ATP10B: variants seen among roughly 807,000 people sequenced by gnomAD.
ATP10B encodes the protein phospholipid-transporting ATPase VB.
In ATP10B, 122 loss-of-function variants were observed where a neutral mutation model predicts 141.2. The observed-to-expected ratio is 0.86, with a 90% CI of 0.75 to 1.00. ATP10B has a LOEUF of 1.00. ATP10B is among the 50% of genes least tolerant of loss of function. The pLI is 0.00. For synonymous variants in ATP10B, 685 were observed against 692.0 expected (o/e 0.99, Z 0.16); for missense variants, 1,876 against 1,825.3 (o/e 1.03, Z -0.51).
chr5:160,573,955 G>A (rs1895188), intron 24 of ATP10B, among the ~76,000 whole-genome samples: 102,792 of 152,064 alleles, frequency 0.68, 35,794 homozygotes, highest in East Asian at 0.84. Flanking sequence ...ATGTGTGCAA[G>A]AGTGTTTCTG....
At chr5:160,695,121 G>A (rs1329780809) in intron 3 of ATP10B, among the ~76,000 whole-genome samples, 3 of 152,150 alleles carry the variant, frequency 2.0e-5, no homozygotes, top group African/African-American at 7.2e-5. Flanking sequence ...AACTGACTGG[G>A]TAACATCAGG....
chr5:160,760,217 A>G (rs1004489322), intron 2 of ATP10B, among the ~76,000 whole-genome samples: 1 of 152,240 alleles, frequency 6.6e-6, no homozygotes, highest in African/African-American at 2.4e-5. Flanking sequence ...GCTAACAGGC[A>G]CTTTACAAAC....
Position 160,591,098 on chromosome 5 carries a change from T to C in ATP10B, c.3606A>G (p.Ala1202=). The change falls in exon 23 of 26, where the codon GCA becomes GCG. Residue 1202 remains alanine, a synonymous_variant. Transcript: ENST00000327245. ...AGAAACAGATGAGGCTCTGGTAGAATGCATCCACCATAGAAATCCAGAAAG... is the reference window on the plus strand; with the variant it reads ...AGAAACAGATGAGGCTCTGGTAGAACGCATCCACCATAGAAATCCAGAAAG... ...LSTFWISMVD[A]FYQSLICFFI... is the part of the protein sequence containing the mutation. The C allele has an allele frequency of 6.2e-7, 1 of 1,614,072 alleles. No individual in the cohort carries two copies. Among genetic ancestry groups the C allele is most frequent in the East Asian group, 2.2e-5 (1 of 44,884 alleles).
intron 3 of ATP10B, among the ~76,000 whole-genome samples, chr5:160,696,771 A>T (rs1223365048): frequency 2.0e-5 from 3 of 150,520 alleles, no homozygotes; most frequent in Admixed American, 6.6e-5. Context: ...TGAATTCAAT[A>T]AAAAAACTCA....
chr5:160,573,366 C>T (rs1754996589), intron 24 of ATP10B, among the ~76,000 whole-genome samples: 1 of 152,196 alleles, frequency 6.6e-6, no homozygotes, highest in African/African-American at 2.4e-5. Flanking sequence ...TTTAAGCCAC[C>T]CAGTCTATGG....
chr5:160,659,247 C>T (rs770680201), intron 7 of ATP10B, among the ~76,000 whole-genome samples: 2 of 152,008 alleles, frequency 1.3e-5, no homozygotes, highest in South Asian at 2.1e-4. Context: ...GGGTGGATCA[C>T]GAGGTCAGGA....
chr5:160,681,303 G>A (rs1763387724), intron 6 of ATP10B, among the ~76,000 whole-genome samples: 1 of 152,158 alleles, frequency 6.6e-6, no homozygotes, highest in Non-Finnish European at 1.5e-5. Context: ...CATCTCACAG[G>A]ACAAGATCTA....
chr5:160,786,080 T>G (rs74805752), intron 1 of ATP10B, among the ~76,000 whole-genome samples: 1,864 of 152,296 alleles, frequency 0.012, 40 homozygotes, highest in African/African-American at 0.042. Context: ...ATGAAATGTG[T>G]GCTGGTCCAG....
chr5:160,895,192 T>C, the ATP10B span, among the ~76,000 whole-genome samples: 1 of 151,546 alleles, frequency 6.6e-6, no homozygotes, highest in Non-Finnish European at 1.5e-5. Flanking sequence ...AGGATCAAAT[T>C]CACACATAAC....
chr5:160,812,731 A>T (rs887883693), intron 1 of ATP10B, among the ~76,000 whole-genome samples: 3 of 70,126 alleles, frequency 4.3e-5, no homozygotes, highest in Admixed American at 1.5e-4. Flanking sequence ...AAAAAGAATA[A>T]AAAAGAATAA....
At chr5:160,915,780 G>A in the ATP10B span, among the ~76,000 whole-genome samples, 2 of 152,096 alleles carry the variant, frequency 1.3e-5, no homozygotes, top group African/African-American at 4.8e-5. Flanking sequence ...ACCATGGTGG[G>A]CAAAGAGGCA....
chr5:160,638,451 A>G (rs1183562869), intron 10 of ATP10B, among the ~76,000 whole-genome samples: 2 of 152,182 alleles, frequency 1.3e-5, no homozygotes, highest in African/African-American at 4.8e-5. Context: ...TCTTGGGGAC[A>G]CAGGTGGCCA....
chr5:160,777,136 C>A (rs529580536), intron 2 of ATP10B, among the ~76,000 whole-genome samples: 3 of 152,288 alleles, frequency 2.0e-5, no homozygotes, highest in Non-Finnish European at 4.4e-5. Flanking sequence ...ACCAGAGTAA[C>A]AAGGATATTC....
chr5:160,766,494 G>A (rs1769442165), intron 2 of ATP10B, among the ~76,000 whole-genome samples: 1 of 152,086 alleles, frequency 6.6e-6, no homozygotes, highest in African/African-American at 2.4e-5. Context: ...ACTCGGTAAT[G>A]GAAAATCAAA....
intron 1 of ATP10B, among the ~76,000 whole-genome samples, chr5:160,849,644 C>CACACACACA (rs1481314888): frequency 6.6e-6 from 1 of 152,078 alleles, no homozygotes; most frequent in African/African-American, 2.4e-5. Flanking sequence ...CACACACACT[C>CACACACACA]TTTTAATGTG....
At chr5:160,641,576 C>G (rs193098856) in intron 9 of ATP10B, among the ~76,000 whole-genome samples, 3 of 152,168 alleles carry the variant, frequency 2.0e-5, no homozygotes, top group Non-Finnish European at 2.9e-5. Context: ...ACATTGTGAA[C>G]CCAAGATTCA....
rs1018119729 is a variant in ATP10B at position 160,833,399 on chromosome 5, A to C, written c.-576+18542T>G. On this transcript the variant is annotated intron_variant, in intron 1 of 25. Transcript: ENST00000327245. ...TAAATAAAGCTGCAGCAAATCTCAG[A>C]TTCAGCTCAGTTATAGATTAGATGA... is the stretch of plus-strand genomic sequence containing the variant. Among the ~76,000 whole-genome samples, 4 of 152,170 alleles carry C rather than the reference A, an allele frequency of 2.6e-5. No individual in the cohort carries two copies. In the South Asian group the frequency reaches 8.3e-4, roughly 31 times the overall value.
At chr5:160,877,749 A>G in the ATP10B span, among the ~76,000 whole-genome samples, 1 of 116,586 alleles carries the variant, frequency 8.6e-6, no homozygotes, top group African/African-American at 2.7e-5. Flanking sequence ...TAACAGACAA[A>G]CAGAGAGCCA....
intron 2 of ATP10B, among the ~76,000 whole-genome samples, chr5:160,774,095 C>G (rs911404405): frequency 2.6e-5 from 4 of 152,126 alleles, no homozygotes; most frequent in Admixed American, 2.6e-4. Context: ...CCTAAGGGCT[C>G]TAATTGAGGA....
Sources: allele counts gnomAD v4.1 joint callset (sites outside exome capture counted in the v4.1 genomes callset), GRCh38; gene constraint gnomAD v4.1.1; transcripts MANE v1.5; gene names NCBI Gene and HGNC (gene_info 2026-07-23, HGNC 2026-07-21).